The following SLC2A9 variants were observed in gnomAD, a reference collection of about 807,000 sequenced individuals.
SLC2A9 encodes solute carrier family 2, facilitated glucose transporter member 9.
Under a neutral mutation model 50.6 loss-of-function variants are expected in SLC2A9, and 39 were observed. The observed-to-expected ratio is 0.77, with a 90% confidence interval of 0.60 to 1.01. The LOEUF is 1.01. Ranked by LOEUF, SLC2A9 falls within the 50% of genes least tolerant of loss-of-function variation. The probability of loss-of-function intolerance (pLI) is 0.00; values close to 1 mark genes in which losing one functional copy is unlikely to be tolerated. For synonymous variants in SLC2A9, 324 were observed against 276.9 expected (o/e 1.17, Z -1.69); for missense variants, 686 against 677.6 (o/e 1.01, Z -0.14).
chr4:9,972,906 A>C (rs1414762743), intron 5 of SLC2A9, among the ~76,000 whole-genome samples: 1 of 152,214 alleles, frequency 6.6e-6, no homozygotes, highest in Non-Finnish European at 1.5e-5. Context: ...ACAAGATCAA[A>C]CCAACTCCAA....
At chr4:9,892,635 G>A (rs1737716260) in intron 8 of SLC2A9, among the ~76,000 whole-genome samples, 1 of 152,186 alleles carries the variant, frequency 6.6e-6, no homozygotes, top group African/African-American at 2.4e-5. Context: ...CATTTTTGCA[G>A]GGTAGCTGTG....
chr4:9,893,399 G>C (rs778016945), intron 8 of SLC2A9, among the ~76,000 whole-genome samples: 5 of 152,094 alleles, frequency 3.3e-5, no homozygotes, highest in African/African-American at 4.8e-5. Context: ...CTCATTTGCA[G>C]GGGGAGGGCG....
In SLC2A9 at chr4:9,880,214, T is replaced by C. The variant is rs1435304886; in HGVS notation, c.1291+7353A>G. On this transcript the variant is annotated intron_variant, in intron 10 of 11. Coordinates refer to ENST00000264784, the MANE Select transcript of SLC2A9 (RefSeq NM_020041.3). ...TAGACAGGTAAGTTCCCTGAGGCTT[T>C]AAACTGTACACTCTCAATGTGAGTT... 4.1e-6 allele frequency: 4 copies of C among 985,358 alleles called. No individual in the cohort carries two copies. The African/African-American group carries it at 7.0e-5, about 17-fold the overall frequency. The allele number at this position is 985,358 out of a possible 1,614,324, so 61.0% of individuals were successfully genotyped here.
intron 10 of SLC2A9, among the ~76,000 whole-genome samples, chr4:9,868,374 A>G (rs571735196): frequency 2.6e-5 from 4 of 152,334 alleles, no homozygotes; most frequent in South Asian, 2.1e-4. Context: ...GTGGCCCATC[A>G]TGTAATTAGA....
At chr4:9,953,269 C>T (rs7378305) in intron 5 of SLC2A9, among the ~76,000 whole-genome samples, 73,309 of 152,038 alleles carry the variant, frequency 0.48, 19,058 homozygotes, top group African/African-American at 0.67. Context: ...GCCCAGAGAG[C>T]CAGTGCTTCT....
chr4:9,910,243 T>C (rs1741470671), intron 7 of SLC2A9, among the ~76,000 whole-genome samples: 1 of 152,226 alleles, frequency 6.6e-6, no homozygotes, highest in South Asian at 2.1e-4. Context: ...AACGTTAGAC[T>C]CCATCGTTAG....
intron 5 of SLC2A9, among the ~76,000 whole-genome samples, chr4:9,952,838 C>T (rs1298917005): frequency 6.6e-6 from 1 of 152,134 alleles, no homozygotes; most frequent in East Asian, 1.9e-4. Context: ...GCAAGAATGG[C>T]CAAATACAAT....
intron 8 of SLC2A9, among the ~76,000 whole-genome samples, chr4:9,894,525 T>G (rs1738150391): frequency 6.6e-6 from 1 of 152,200 alleles, no homozygotes; most frequent in East Asian, 1.9e-4. Context: ...AAAAGTAGAT[T>G]TAGTTGAAGT....
At chr4:9,850,802 A>G (rs573014511) in intron 10 of SLC2A9, among the ~76,000 whole-genome samples, 1 of 152,158 alleles carries the variant, frequency 6.6e-6, no homozygotes, top group African/African-American at 2.4e-5. Flanking sequence ...TTCATCACAT[A>G]ATGCCACCAC....
At chr4:9,972,304 C>T (rs1754029475) in intron 5 of SLC2A9, among the ~76,000 whole-genome samples, 1 of 152,124 alleles carries the variant, frequency 6.6e-6, no homozygotes, top group South Asian at 2.1e-4. Flanking sequence ...TCTTCTCATA[C>T]TTTTGCCTAT....
rs1175166447 is a variant in SLC2A9, at chr4:9,845,427, C to CTTTTTTTTTTTTTTTT, written c.1292-10435_1292-10420dup. ...CCAATGGAACCACGATCATCAATTT[C>CTTTTTTTTTTTTTTTT]TTTTTTTTTTTTTTTTTTTTGAGAC... On this transcript the variant is annotated intron_variant, in intron 10 of 11. Coordinates refer to ENST00000264784, the MANE Select transcript of SLC2A9 (RefSeq NM_020041.3). Among the ~76,000 whole-genome samples, 287 of 108,668 alleles carry CTTTTTTTTTTTTTTTT rather than the reference C, an allele frequency of 2.6e-3. 19 individuals are homozygous for CTTTTTTTTTTTTTTTT. Among genetic ancestry groups the CTTTTTTTTTTTTTTTT allele is most frequent in the Middle Eastern group, 0.01 (2 of 200 alleles). 71.3% of individuals were successfully genotyped at this position (108,668 alleles called of 152,430 possible).
intron 3 of SLC2A9, among the ~76,000 whole-genome samples, chr4:9,780,504 G>T (rs141447104): frequency 6.6e-6 from 1 of 152,308 alleles, no homozygotes; most frequent in East Asian, 1.9e-4. Flanking sequence ...TGGGCCACTT[G>T]CAGATGTTGG....
chr4:10,034,843 G>C (rs908760704), intron 1 of SLC2A9: 2 of 152,252 alleles, frequency 1.3e-5, no homozygotes, highest in Non-Finnish European at 2.9e-5. Flanking sequence ...AAAGAAGCAG[G>C]ATGACACGTG....
intron 10 of SLC2A9, among the ~76,000 whole-genome samples, chr4:9,862,275 C>T (rs1731777734): frequency 6.6e-6 from 1 of 152,040 alleles, no homozygotes; most frequent in African/African-American, 2.4e-5. Flanking sequence ...GTTTCCCTAA[C>T]CCACCTCGAT....
intron 3 of SLC2A9, among the ~76,000 whole-genome samples, chr4:9,987,219 A>C (rs767121799): frequency 3.3e-5 from 5 of 152,186 alleles, no homozygotes; most frequent in Non-Finnish European, 7.3e-5. Flanking sequence ...TCCCAGGTTC[A>C]AGTGATTCTC....
chr4:9,782,697 G>C, intron 3 of SLC2A9: 1 of 1,613,996 alleles, frequency 6.2e-7, no homozygotes, highest in Non-Finnish European at 8.5e-7. Context: ...AGCCTGAATC[G>C]AACCTACGCC....
At chr4:9,803,700 T>C (rs926651176) in intron 3 of SLC2A9, among the ~76,000 whole-genome samples, 5 of 152,254 alleles carry the variant, frequency 3.3e-5, no homozygotes, top group South Asian at 2.1e-4. Context: ...ATGTGTCTGG[T>C]CTGCCTACCC....
intron 7 of SLC2A9, among the ~76,000 whole-genome samples, 193 bp downstream of exon 7, chr4:9,920,192 A>G (rs1743645958): frequency 6.6e-6 from 1 of 152,218 alleles, no homozygotes. Context: ...GTGTCTTTCC[A>G]TATTATGTGA....
At chr4:9,792,213 G>C (rs1262677963) in intron 3 of SLC2A9, among the ~76,000 whole-genome samples, 6 of 117,164 alleles carry the variant, frequency 5.1e-5, no homozygotes, top group African/African-American at 1.7e-4. Context: ...GTCTTGCTCT[G>C]TCATCCAGGC....
Sources: gnomAD v4.1 joint callset for allele counts (sites outside exome capture counted in the v4.1 genomes callset) on GRCh38, gnomAD v4.1.1 for gene constraint, MANE v1.5 for transcripts, NCBI Gene and HGNC (gene_info 2026-07-23, HGNC 2026-07-21) for gene names.